Variants in TMEM87A observed in about 807,000 individuals in gnomAD.
TMEM87A encodes the protein Golgi-pH regulating cation channel.
Under a neutral mutation model 90.0 loss-of-function variants are expected in TMEM87A, and 50 were observed. That is an observed-to-expected ratio of 0.56 (90% CI 0.44 to 0.70). TMEM87A has a LOEUF of 0.70. Ranked by LOEUF, TMEM87A falls within the 30% of genes least tolerant of loss-of-function variation. TMEM87A has a pLI of 0.00. For missense variants in TMEM87A, 577 were observed against 660.5 expected (o/e 0.87, Z 1.39); for synonymous variants, 226 against 226.7 (o/e 1.00, Z 0.03).
intron 15 of TMEM87A, among the ~76,000 whole-genome samples, chr15:42,222,071 G>GT (rs543694319): frequency 3.1e-4 from 47 of 151,926 alleles, no homozygotes; most frequent in Middle Eastern, 6.8e-3. Context: ...TTTTTTGGTT[G>GT]TTTTTTTTGA....
chr15:42,232,990 T>C (rs2050711666), intron 11 of TMEM87A: 1 of 302,260 alleles, frequency 3.3e-6, no homozygotes, highest in Admixed American at 4.9e-5. Context: ...CAATTAGCAA[T>C]TTGGAGACAG....
intron 6 of TMEM87A, chr15:42,258,555 T>G (rs1308677982): frequency 2.8e-6 from 1 of 360,684 alleles, no homozygotes; most frequent in Non-Finnish European, 4.0e-6. Flanking sequence ...GCCTCCTGAG[T>G]AGCTTGGATT....
intron 14 of TMEM87A, 117 bp downstream of exon 14, chr15:42,227,594 G>A (rs544058120): frequency 1.2e-6 from 1 of 821,404 alleles, no homozygotes; most frequent in Admixed American, 2.1e-5. Flanking sequence ...CCTCAGAGTA[G>A]AGACCTAGCT....
Position 42,243,203 on chromosome 15 carries a change from G to A in TMEM87A, c.622+847C>T, listed in dbSNP as rs951446721. On this transcript the variant is annotated intron_variant, in intron 7 of 19. Transcript: ENST00000389834. Reference sequence around the variant, plus strand: ...GAATGGCGTGAACCCAGGAGGCGGAGCTTGCAGTGAGCCGAGATTACGCCA... The same window carrying A: ...GAATGGCGTGAACCCAGGAGGCGGAACTTGCAGTGAGCCGAGATTACGCCA... Among the ~76,000 whole-genome samples, 19 of 152,106 alleles carry A rather than the reference G, an allele frequency of 1.2e-4. No individual in the cohort carries two copies. In the South Asian group the frequency reaches 2.3e-3, roughly 18 times the overall value.
At chr15:42,251,055 T>G (rs1447005491) in intron 6 of TMEM87A, among the ~76,000 whole-genome samples, 6 of 152,216 alleles carry the variant, frequency 3.9e-5, no homozygotes, top group Non-Finnish European at 7.3e-5. Context: ...TGTGCATGCA[T>G]CACATAGTTC....
intron 2 of TMEM87A, among the ~76,000 whole-genome samples, 193 bp downstream of exon 2, chr15:42,271,870 C>A (rs1234901051): frequency 6.6e-6 from 1 of 151,038 alleles, no homozygotes; most frequent in African/African-American, 2.4e-5. Context: ...ACCAGAAAAA[C>A]AAGAGAAGAA....
intron 2 of TMEM87A, 137 bp from the exon 3 acceptor site, chr15:42,268,169 T>G: frequency 1.7e-6 from 1 of 580,324 alleles, no homozygotes; most frequent in South Asian, 2.7e-5. Context: ...AAACATAAGG[T>G]ATTGAAATAA....
intron 15 of TMEM87A, among the ~76,000 whole-genome samples, chr15:42,226,033 C>T (rs533259318): frequency 2.0e-5 from 3 of 152,116 alleles, no homozygotes; most frequent in East Asian, 1.9e-4. Context: ...GAGGGAGTCT[C>T]GCTCTGTCAC....
At position 42,233,386 on chromosome 15, in the gene TMEM87A, T is replaced by C. The variant is rs2050718877; in HGVS notation, c.969-80A>G. 5.8e-6 allele frequency: 6 copies of C among 1,037,192 alleles called. No individual in the cohort carries two copies. In the South Asian group the frequency reaches 6.8e-5, roughly 12 times the overall value. The allele number at this position is 1,037,192 out of a possible 1,614,324, so 64.2% of individuals were successfully genotyped here. On this transcript the variant is annotated intron_variant, in intron 10 of 19. Transcript: ENST00000389834. ...GCTAAGTAACAGGAACTTGTGTTAA[T>C]TAATATAGGCCAACAATTTAAAGCA...
intron 3 of TMEM87A, among the ~76,000 whole-genome samples, chr15:42,264,639 G>C (rs144400506): frequency 3.8e-4 from 55 of 146,466 alleles, no homozygotes; most frequent in Admixed American, 1.1e-3. Context: ...AAACAGAATG[G>C]AAAAGGTCTG....
At chr15:42,260,001 A>G (rs2051257526) in intron 6 of TMEM87A, among the ~76,000 whole-genome samples, 1 of 37,328 alleles carries the variant, frequency 2.7e-5, no homozygotes, top group South Asian at 1.1e-3. Flanking sequence ...GGGATGAACA[A>G]TTCTGGAATT....
At chr15:42,251,096 A>T (rs1160896383) in intron 6 of TMEM87A, among the ~76,000 whole-genome samples, 2 of 152,138 alleles carry the variant, frequency 1.3e-5, no homozygotes, top group African/African-American at 4.8e-5. Flanking sequence ...CCATCAGGTC[A>T]TTTAAGGTCT....
rs566865947 is a variant in TMEM87A, at chr15:42,242,298, T to C, written c.622+1752A>G. 2.0e-5 allele frequency among the ~76,000 whole-genome samples: 3 copies of C among 152,108 alleles called. No individual in the cohort carries two copies. In the South Asian group the frequency reaches 6.2e-4, roughly 32 times the overall value. Reference sequence around the variant, plus strand: ...ACTACCAATGTACTACGGTAGTACATGGGATCATTGAAGCTAGTAGGTTTC... The same window carrying C: ...ACTACCAATGTACTACGGTAGTACACGGGATCATTGAAGCTAGTAGGTTTC... On this transcript the variant is annotated intron_variant, in intron 7 of 19. Transcript: ENST00000389834.
intron 6 of TMEM87A, among the ~76,000 whole-genome samples, chr15:42,255,759 A>G (rs1164922141): frequency 6.6e-6 from 1 of 151,852 alleles, no homozygotes; most frequent in Non-Finnish European, 1.5e-5. Context: ...TTTCTTCCAT[A>G]AACATATAGA....
intron 19 of TMEM87A, among the ~76,000 whole-genome samples, chr15:42,213,790 G>GT (rs201666524): frequency 4.6e-4 from 69 of 150,798 alleles, no homozygotes; most frequent in African/African-American, 1.5e-3. Context: ...AAAGGTAACT[G>GT]TTTTTTTTTC....
intron 6 of TMEM87A, among the ~76,000 whole-genome samples, chr15:42,253,258 G>C (rs1337222690): frequency 1.3e-5 from 2 of 152,140 alleles, no homozygotes; most frequent in African/African-American, 4.8e-5. Flanking sequence ...TTTTCTGATC[G>C]TATGTCCAGT....
chr15:42,245,196 T>C (rs2050949027), intron 6 of TMEM87A, among the ~76,000 whole-genome samples: 1 of 152,186 alleles, frequency 6.6e-6, no homozygotes, highest in Non-Finnish European at 1.5e-5. Context: ...CTCCACCTAA[T>C]AGTCTCTGAC....
chr15:42,260,499 C>T (rs575812978), intron 6 of TMEM87A, among the ~76,000 whole-genome samples: 1 of 152,292 alleles, frequency 6.6e-6, no homozygotes, highest in African/African-American at 2.4e-5. Context: ...CATCCTTCCT[C>T]TAAATTTTTA....
chr15:42,270,470 C>T (rs2051498654), intron 2 of TMEM87A, among the ~76,000 whole-genome samples: 1 of 152,062 alleles, frequency 6.6e-6, no homozygotes, highest in African/African-American at 2.4e-5. Flanking sequence ...GAGACTCATG[C>T]CTGTAATCCC....
Sources: allele counts gnomAD v4.1 joint callset (sites outside exome capture counted in the v4.1 genomes callset), GRCh38; gene constraint gnomAD v4.1.1; transcripts MANE v1.5; gene names NCBI Gene and HGNC (gene_info 2026-07-23, HGNC 2026-07-21).